Variants in MED25 observed in about 807,000 individuals in gnomAD.
MED25 encodes the protein mediator of RNA polymerase II transcription subunit 25.
MED25 carries 62 observed loss-of-function variants against 89.4 expected under a neutral mutation model. The observed-to-expected ratio is 0.69, with a 90% CI of 0.57 to 0.86. The LOEUF (loss-of-function observed/expected upper bound fraction) is 0.86, where lower values mean the gene tolerates loss of function less well. Ranked by LOEUF, MED25 falls within the 40% of genes least tolerant of loss-of-function variation. The probability of loss-of-function intolerance (pLI) is 0.00; values close to 1 mark genes in which losing one functional copy is unlikely to be tolerated. For synonymous variants in MED25, 449 were observed against 427.9 expected (o/e 1.05, Z -0.61); for missense variants, 905 against 1,005.2 (o/e 0.90, Z 1.35).
At chr19:49,828,842 G>A (rs2074032937) in intron 4 of MED25, 128 bp from the exon 5 acceptor site, 6 of 1,524,744 alleles carry the variant, frequency 3.9e-6, no homozygotes, top group Non-Finnish European at 4.4e-6. Context: ...GTTCTCAGCT[G>A]TAAAGTAGGG....
rs1344226519 is a variant in MED25 at position 49,831,488 on chromosome 19, A to T, written c.1230+27A>T. 1 of 1,606,938 alleles carries T rather than the reference A, an allele frequency of 6.2e-7. No individual in the cohort carries two copies. Among genetic ancestry groups the T allele is most frequent in the Admixed American group, 1.7e-5 (1 of 59,302 alleles). On this transcript the variant is annotated intron_variant, in intron 10 of 17. Transcript: ENST00000312865. The surrounding 1 kb of genome is among the most constrained non-coding windows in gnomAD (Gnocchi z 5.0). ...TGAGGGGCCTGAGGGTCCATTGGGC[A>T]CTTGGGACTCCTGGGGCCGTGGGGC...
In MED25 at chr19:49,835,093, G is replaced by C; in HGVS notation, c.1590G>C (p.Gln530His). Residue 530 changes from glutamine (Q) to histidine (H), a missense_variant, in exon 14 of 18, where the codon CAG becomes CAC. Coordinates refer to ENST00000312865, the MANE Select transcript of MED25 (RefSeq NM_030973.4). This position sits in a 1 kb window ranked among gnomAD's most constrained non-coding sequence, Gnocchi z 6.2. Reference protein sequence around the residue: ...KIFMGLIPYDQSGFVNGIRQV... With the variant: ...KIFMGLIPYDHSGFVNGIRQV... Reference sequence around the variant, plus strand: ...TCATGGGCCTCATCCCCTACGACCAGAGCGGCTTCGTCAACGGCATCCGGC... The same window carrying C: ...TCATGGGCCTCATCCCCTACGACCACAGCGGCTTCGTCAACGGCATCCGGC... 1 of 1,614,086 alleles carries C rather than the reference G, an allele frequency of 6.2e-7. No homozygotes were observed. Among genetic ancestry groups the C allele is most frequent in the Non-Finnish European group, 8.5e-7 (1 of 1,180,014 alleles).
At chr19:49,822,678 C>T (rs1300409436) in intron 3 of MED25, among the ~76,000 whole-genome samples, 26 of 129,330 alleles carry the variant, frequency 2.0e-4, no homozygotes, top group African/African-American at 5.6e-4. Flanking sequence ...GACAGAGTCT[C>T]GCTCTGTTGT....
Position 49,836,419 on chromosome 19 carries a change from G to C in MED25, c.2146+13G>C. The C allele has an allele frequency of 6.3e-7, 1 of 1,576,364 alleles. No individual in the cohort carries two copies. Among genetic ancestry groups the C allele is most frequent in the African/African-American group, 1.3e-5 (1 of 74,078 alleles). ...GCTCCACTGCCAGGTAAGGGGACCC[G>C]GGGGAGGGCAGAGGTCTGGACTGAG... On this transcript the variant is annotated intron_variant, in intron 17 of 17. Coordinates refer to ENST00000312865, the MANE Select transcript of MED25 (RefSeq NM_030973.4). The surrounding 1 kb of genome is among the most constrained non-coding windows in gnomAD (Gnocchi z 5.1).
downstream of MED25, among the ~76,000 whole-genome samples, chr19:49,838,066 T>TG (rs1415303430): frequency 7.9e-5 from 12 of 152,060 alleles, no homozygotes; most frequent in Non-Finnish European, 1.8e-4. Context: ...TGTCTGTTGT[T>TG]GGACTCTGGA....
chr19:49,832,189 C>A (rs376747237), intron 12 of MED25, 32 bp downstream of exon 12: 1 of 1,608,524 alleles, frequency 6.2e-7, no homozygotes, highest in East Asian at 2.2e-5. Flanking sequence ...GCCCTGCTGC[C>A]GGGCAGTCCT....
At chr19:49,823,718 A>G (rs1158871839) in intron 3 of MED25, among the ~76,000 whole-genome samples, 3 of 152,172 alleles carry the variant, frequency 2.0e-5, no homozygotes, top group Non-Finnish European at 2.9e-5. Context: ...GGTGCAGGAC[A>G]TATAGTGAAA....
intron 3 of MED25, among the ~76,000 whole-genome samples, chr19:49,828,242 A>AAC (rs1028513311): frequency 2.0e-5 from 3 of 151,218 alleles, no homozygotes; most frequent in African/African-American, 7.3e-5. Context: ...AAAAAAAAAA[A>AAC]ACACAGACAG....
At chr19:49,838,328 C>T, downstream of MED25, 1 of 348,752 alleles carries the variant, frequency 2.9e-6, no homozygotes, top group Non-Finnish European at 5.7e-6. Flanking sequence ...AATCTGCAGT[C>T]TTGGCTTCTT....
intron 13 of MED25, 23 bp downstream of exon 13, chr19:49,832,438 C>G: frequency 7.3e-7 from 1 of 1,364,832 alleles, no homozygotes; most frequent in Non-Finnish European, 1.0e-6. Flanking sequence ...CATGGGGGGC[C>G]GAGGGGTGTT....
In MED25 at chr19:49,831,968, C is replaced by T. The variant is rs529873708; in HGVS notation, c.1263C>T (p.Thr421=). The part of the protein sequence containing the change: ...KPKPASVDAN[T]KLTRSLPCQV... ...AACCTGCCTCAGTGGATGCCAACAC[C>T]AAGCTGACGCGGTCACTGCCCTGCC... Residue 421 remains threonine (T), a synonymous_variant, in exon 11 of 18, where the codon ACC becomes ACT. Coordinates refer to ENST00000312865, the MANE Select transcript of MED25 (RefSeq NM_030973.4). This position sits in a 1 kb window ranked among gnomAD's most constrained non-coding sequence, Gnocchi z 5.0. The T allele has an allele frequency of 1.2e-6, 2 of 1,614,074 alleles. No homozygotes were observed. Among genetic ancestry groups the T allele is most frequent in the Non-Finnish European group, 1.7e-6 (2 of 1,179,994 alleles).
At chr19:49,828,658 G>A (rs2123876245) in intron 4 of MED25, 111 bp downstream of exon 4, 1 of 1,006,234 alleles carries the variant, frequency 9.9e-7, no homozygotes, top group East Asian at 2.5e-5. Context: ...CATGGGCTCT[G>A]TGTCCCCAAG....
chr19:49,830,163 C>T lies in MED25; in HGVS notation c.764C>T (p.Ala255Val). ...CTGCCTCCCGCCGCACCCTCAGGTGCCACTCTCTCAGCAGCCCCCCAGCAG... is the reference window on the plus strand; with the variant it reads ...CTGCCTCCCGCCGCACCCTCAGGTGTCACTCTCTCAGCAGCCCCCCAGCAG... ...VPLPPAAPSG[A>V]TLSAAPQQPL... The change falls in exon 7 of 18, where the codon GCC becomes GTC. Residue 255 changes from alanine (A) to valine (V), a missense_variant. Physicochemically the swap from Ala to Val is moderately conservative, Grantham distance 64. This residue lies in a region of MED25 where 501 missense variants were observed against 526.9 expected (regional missense o/e 0.95). Transcript: ENST00000312865. This position sits in a 1 kb window ranked among gnomAD's most constrained non-coding sequence, Gnocchi z 4.6. The T allele has an allele frequency of 6.2e-7, 1 of 1,602,088 alleles. No individual in the cohort carries two copies. Among genetic ancestry groups the T allele is most frequent in the Non-Finnish European group, 8.5e-7 (1 of 1,170,646 alleles).
At chr19:49,821,816 C>CAAA (rs35798804) in intron 3 of MED25, among the ~76,000 whole-genome samples, 4 of 84,134 alleles carry the variant, frequency 4.8e-5, no homozygotes, top group South Asian at 3.5e-4. Flanking sequence ...AATTCTGTCT[C>CAAA]AAAAAAAAAA....
rs1030463550 is a variant in MED25, at chr19:49,831,062, G to T, written c.1101+175G>T. Among the ~76,000 whole-genome samples the T allele has an allele frequency of 5.3e-5, 8 of 152,146 alleles. No individual in the cohort carries two copies. The highest frequency in any genetic ancestry group is 1.9e-4 in the African/African-American group (8 of 41,416). On this transcript the variant is annotated intron_variant, in intron 9 of 17. Transcript: ENST00000312865. The surrounding 1 kb of genome is among the most constrained non-coding windows in gnomAD (Gnocchi z 5.0). Reference sequence around the variant, plus strand: ...TGAGATGAGGGTCTGGGGACAGAGTGGGGAGGCTCATGGCTCCAGGAGGGT... The same window carrying T: ...TGAGATGAGGGTCTGGGGACAGAGTTGGGAGGCTCATGGCTCCAGGAGGGT...
At position 49,829,685 on chromosome 19, in the gene MED25, C is replaced by A; in HGVS notation, c.526-101C>A. 2.3e-6 allele frequency: 3 copies of A among 1,288,146 alleles called. No individual in the cohort carries two copies. The highest frequency in any genetic ancestry group is 3.3e-6 in the Non-Finnish European group (3 of 921,608). The allele number at this position is 1,288,146 out of a possible 1,614,324, so 79.8% of individuals were successfully genotyped here. On this transcript the variant is annotated intron_variant, in intron 5 of 17. Transcript: ENST00000312865. This position sits in a 1 kb window ranked among gnomAD's most constrained non-coding sequence, Gnocchi z 4.6. ...CCCAATGGGAATTGTGGTTGTAGGG[C>A]TGGTGCCGTCCAGCCACACAGCAGT...
At chr19:49,828,307 T>G in intron 3 of MED25, 142 bp from the exon 4 acceptor site, 1 of 695,490 alleles carries the variant, frequency 1.4e-6, no homozygotes, top group Non-Finnish European at 2.6e-6. Context: ...AGGGATTGGG[T>G]AGGGAACTCA....
chr19:49,822,640 CTTTTTT>C (rs536060694), intron 3 of MED25, among the ~76,000 whole-genome samples: 19 of 68,278 alleles, frequency 2.8e-4, no homozygotes, highest in East Asian at 5.6e-4. Context: ...CTGTTACATT[CTTTTTT>C]TTTTTTTTTT....
Position 49,832,337 on chromosome 19 carries a change from A to G in MED25, c.1404A>G (p.Ser468=). 1 of 1,609,884 alleles carries G rather than the reference A, an allele frequency of 6.2e-7. No homozygotes were observed. The highest frequency in any genetic ancestry group is 8.5e-7 in the Non-Finnish European group (1 of 1,177,828). ...LTTLGPLFRN[S]RMVQFHFTNK... is the part of the protein sequence containing the mutation. ...CCCTGGGCCCTTTGTTCCGGAACTC[A>G]AGGATGGTCCAGTTCCATTTCACCA... Residue 468 remains serine (S), a synonymous_variant, in exon 13 of 18, where the codon TCA becomes TCG. Coordinates refer to ENST00000312865, the MANE Select transcript of MED25 (RefSeq NM_030973.4).
Sources: allele counts gnomAD v4.1 joint callset (sites outside exome capture counted in the v4.1 genomes callset), GRCh38; gene constraint gnomAD v4.1.1; regional missense constraint gnomAD v4.1.1; non-coding constraint Gnocchi (gnomAD v3.1); transcripts MANE v1.5; gene names NCBI Gene and HGNC (gene_info 2026-07-23, HGNC 2026-07-21).